Variants in XRCC2 observed in about 807,000 individuals in gnomAD.
The protein encoded by XRCC2 is X-ray repair cross complementing 2.
A neutral mutation model predicts 27.3 loss-of-function variants in XRCC2; 24 were observed. The ratio of observed to expected loss-of-function variants is 0.88; its 90% CI spans 0.64 to 1.24. The LOEUF is 1.24. Among genes scored for constraint, XRCC2 ranks in the 50% most tolerant of loss-of-function variants. XRCC2 has a pLI of 0.00. For synonymous variants in XRCC2, 106 were observed against 115.4 expected, an observed-to-expected ratio of 0.92 and a Z score of 0.52; for missense variants, 321 against 325.8, an observed-to-expected ratio of 0.99 and a Z score of 0.11.
intron 1 of XRCC2, among the ~76,000 whole-genome samples, chr7:152,674,695 A>ATATAT (rs1373896582): frequency 1.2e-4 from 13 of 105,846 alleles, no homozygotes; most frequent in African/African-American, 5.8e-4. Flanking sequence ...ATATATTTTT[A>ATATAT]AATATATATT....
intron 1 of XRCC2, among the ~76,000 whole-genome samples, chr7:152,669,014 A>G (rs2098037131): frequency 6.6e-6 from 1 of 152,186 alleles, no homozygotes. Context: ...CTACTATGCT[A>G]TACAACCTCA....
intron 1 of XRCC2, among the ~76,000 whole-genome samples, chr7:152,667,421 A>AG (rs200552858): frequency 0.1 from 8,077 of 79,688 alleles, 521 homozygotes; most frequent in Admixed American, 0.27. Context: ...AAAAAAAAAA[A>AG]AAAAAGAAAA....
At chr7:152,673,278 G>T (rs182234771) in intron 1 of XRCC2, among the ~76,000 whole-genome samples, 36 of 152,164 alleles carry the variant, frequency 2.4e-4, no homozygotes, top group Middle Eastern at 3.4e-3. Context: ...CGCCTCCCGG[G>T]TTCAAGCAGT....
rs3218471 is a variant in XRCC2 at position 152,660,863 on chromosome 7, AG to A, written c.40-82del. 6.5e-5 allele frequency: 81 copies of A among 1,242,092 alleles called. No individual in the cohort carries two copies. The African/African-American group carries it at 7.5e-4, about 11-fold the overall frequency. The allele number at this position is 1,242,092 out of a possible 1,614,324, so 76.9% of individuals were successfully genotyped here. ...ATCTATATTTATACCATTTTCCGAA[AG>A]TCTGTAAGATTTCATAACTTTAGGC... On this transcript the variant is annotated intron_variant, in intron 1 of 2. Transcript: ENST00000359321.
intron 2 of XRCC2, among the ~76,000 whole-genome samples, chr7:152,650,508 T>A (rs2098028071): frequency 6.6e-6 from 1 of 152,214 alleles, no homozygotes; most frequent in Non-Finnish European, 1.5e-5. Context: ...CAACTCTTGC[T>A]TGTCATTATT....
chr7:152,652,141 C>A (rs1160987544), intron 2 of XRCC2, among the ~76,000 whole-genome samples: 1 of 149,238 alleles, frequency 6.7e-6, no homozygotes. Context: ...CTAGCCCAGA[C>A]AACAGAGGGA....
At chr7:152,664,534 CCA>C (rs2117003532) in intron 1 of XRCC2, among the ~76,000 whole-genome samples, 1 of 152,248 alleles carries the variant, frequency 6.6e-6, no homozygotes, top group African/African-American at 2.4e-5. Context: ...GGGACTTACC[CCA>C]GTGCCGCCTG....
At chr7:152,675,285 A>C (rs956549843) in intron 1 of XRCC2, among the ~76,000 whole-genome samples, 5 of 152,120 alleles carry the variant, frequency 3.3e-5, no homozygotes, top group African/African-American at 1.2e-4. Context: ...TTGAAACTTC[A>C]GTCATCTCCT....
intron 1 of XRCC2, among the ~76,000 whole-genome samples, chr7:152,671,462 G>T (rs2098038143): frequency 6.6e-6 from 1 of 152,008 alleles, no homozygotes. Context: ...AGAGGTAAAA[G>T]GTATTCTGCA....
rs1440044839 is a variant in XRCC2, at chr7:152,647,203, C to G, written c.*1439G>C. 6.6e-6 allele frequency: 1 copy of G among 152,120 alleles called. No individual in the cohort carries two copies. The highest frequency in any genetic ancestry group is 1.5e-5 in the Non-Finnish European group (1 of 68,010). The allele number at this position is 152,120 out of a possible 1,614,324, so 9.4% of individuals were successfully genotyped here. On this transcript the variant is annotated 3_prime_UTR_variant, in exon 3 of 3. Coordinates refer to ENST00000359321, the MANE Select transcript of XRCC2 (RefSeq NM_005431.2). ...TAGGATTGTTGGCCACAGATGTCTT[C>G]TTTTGAAAAGTGTCTGTTCATGTCC...
chr7:152,661,067 G>A (rs1226109922), intron 1 of XRCC2, among the ~76,000 whole-genome samples: 1 of 152,140 alleles, frequency 6.6e-6, no homozygotes, highest in African/African-American at 2.4e-5. Flanking sequence ...AGGAGGCTGA[G>A]GTGGGAAGAT....
Position 152,645,418 on chromosome 7 carries a change from A to G in XRCC2, c.*3224T>C, listed in dbSNP as rs1490619320. ...GCCACTGCACTCAGCCTAAAATTCTATTTTTTAATTCTGTTGCTGGTACTT... is the reference window on the plus strand; with the variant it reads ...GCCACTGCACTCAGCCTAAAATTCTGTTTTTTAATTCTGTTGCTGGTACTT... On this transcript the variant is annotated 3_prime_UTR_variant, in exon 3 of 3. Coordinates refer to ENST00000359321, the MANE Select transcript of XRCC2 (RefSeq NM_005431.2). 2.0e-5 allele frequency: 3 copies of G among 151,922 alleles called. No homozygotes were observed. The highest frequency in any genetic ancestry group is 2.9e-5 in the Non-Finnish European group (2 of 67,964). 9.4% of individuals were successfully genotyped at this position (151,922 alleles called of 1,614,324 possible). A position where few individuals can be genotyped will look rare whatever the true frequency, so the allele number is the denominator to read the frequency against.
chr7:152,658,546 C>T (rs1393748091), intron 2 of XRCC2, among the ~76,000 whole-genome samples: 1 of 152,248 alleles, frequency 6.6e-6, no homozygotes, highest in Non-Finnish European at 1.5e-5. Context: ...ACTTTTCCAT[C>T]TTGCAAAACT....
chr7:152,658,795 T>C (rs117347013), intron 2 of XRCC2, among the ~76,000 whole-genome samples: 1 of 152,346 alleles, frequency 6.6e-6, no homozygotes, highest in Non-Finnish European at 1.5e-5. Flanking sequence ...ATCAACTGCA[T>C]GTATATATCA....
chr7:152,652,174 G>T (rs1340992230), intron 2 of XRCC2, among the ~76,000 whole-genome samples: 1 of 96,664 alleles, frequency 1.0e-5, no homozygotes, highest in Non-Finnish European at 2.6e-5. Flanking sequence ...AAAAAGAAAA[G>T]AAAAGAAAAA....
intron 1 of XRCC2, among the ~76,000 whole-genome samples, chr7:152,666,508 A>G (rs997370418): frequency 4.6e-5 from 7 of 152,054 alleles, no homozygotes; most frequent in Non-Finnish European, 8.8e-5. Context: ...CACCATGCCC[A>G]GTGGAATCTC....
At chr7:152,663,543 TA>T (rs1398025289) in intron 1 of XRCC2, among the ~76,000 whole-genome samples, 1 of 152,066 alleles carries the variant, frequency 6.6e-6, no homozygotes, top group Admixed American at 6.6e-5. Context: ...TCTTGCCTGA[TA>T]AAAGTGTCTT....
rs1179785872 is a variant in XRCC2, at chr7:152,644,820, CAT to C, written c.*3820_*3821del. 18 of 152,272 alleles carry C rather than the reference CAT, an allele frequency of 1.2e-4. No homozygotes were observed. The highest frequency in any genetic ancestry group is 8.3e-4 in the South Asian group (4 of 4,824). The allele number at this position is 152,272 out of a possible 1,614,324, so 9.4% of individuals were successfully genotyped here. On this transcript the variant is annotated 3_prime_UTR_variant, in exon 3 of 3. Transcript: ENST00000359321. ...AGTAGTGGTATTTCCATTTACAAAA[CAT>C]AGTAATTCTTGATCGCTGAAAATGT...
At chr7:152,655,199 G>A (rs960815797) in intron 2 of XRCC2, among the ~76,000 whole-genome samples, 3 of 152,140 alleles carry the variant, frequency 2.0e-5, no homozygotes, top group African/African-American at 7.2e-5. Flanking sequence ...AACGCTGTAA[G>A]GAGTTTGGGT....
Sources: allele counts gnomAD v4.1 joint callset (sites outside exome capture counted in the v4.1 genomes callset), GRCh38; gene constraint gnomAD v4.1.1; transcripts MANE v1.5; gene names NCBI Gene and HGNC (gene_info 2026-07-23, HGNC 2026-07-21).